MYO5B: variants seen among roughly 807,000 people sequenced by gnomAD.
The protein encoded by MYO5B is unconventional myosin-Vb.
MYO5B carries 143 observed loss-of-function variants against 229.3 expected under a neutral mutation model. That is an observed-to-expected ratio of 0.62 (90% CI 0.54 to 0.72). MYO5B has a LOEUF of 0.72. Ranked by LOEUF, MYO5B falls within the 30% of genes least tolerant of loss-of-function variation. The pLI, the probability that MYO5B is intolerant of heterozygous loss-of-function variation, is 0.00. For synonymous variants in MYO5B, 918 were observed against 885.2 expected (o/e 1.04, Z -0.66); for missense variants, 2,321 against 2,331.0 (o/e 1.00, Z 0.09).
intron 26 of MYO5B, among the ~76,000 whole-genome samples, 160 bp downstream of exon 26, chr18:49,875,527 A>G (rs2024509248): frequency 6.6e-6 from 1 of 152,122 alleles, no homozygotes; most frequent in South Asian, 2.1e-4. Flanking sequence ...GGGCACTCAG[A>G]GAAGACTCAG....
chr18:50,034,147 G>C (rs188080873), intron 4 of MYO5B, among the ~76,000 whole-genome samples: 163 of 152,306 alleles, frequency 1.1e-3, no homozygotes, highest in African/African-American at 3.9e-3. Context: ...CCAGCTGTTA[G>C]GCAGGTTCAA....
intron 39 of MYO5B, among the ~76,000 whole-genome samples, chr18:49,834,649 T>C (rs1285478496): frequency 6.6e-6 from 1 of 152,220 alleles, no homozygotes; most frequent in Non-Finnish European, 1.5e-5. Flanking sequence ...TATTGTCTTT[T>C]TTTTTTGAGA....
Position 49,863,446 on chromosome 18 carries a change from G to A in MYO5B, c.3844-119C>T, listed in dbSNP as rs984042364. The A allele has an allele frequency of 4.7e-6, 4 of 849,050 alleles. No individual in the cohort carries two copies. In the East Asian group the frequency reaches 7.8e-5, roughly 17 times the overall value. 52.6% of individuals were successfully genotyped at this position (849,050 alleles called of 1,614,324 possible). ...AAGACAAAGGCCTGGAAAGAACAGAGATAACCACAATCAAACCCACGCCAG... is the reference window on the plus strand; with the variant it reads ...AAGACAAAGGCCTGGAAAGAACAGAAATAACCACAATCAAACCCACGCCAG... On this transcript the variant is annotated intron_variant, in intron 28 of 39. Transcript: ENST00000285039.
rs368551364 is a variant in MYO5B at position 49,836,694 on chromosome 18, G to A, written c.5313+17C>T. 2.5e-6 allele frequency: 4 copies of A among 1,613,760 alleles called. No homozygotes were observed. The African/African-American group carries it at 4.0e-5, about 16-fold the overall frequency. On this transcript the variant is annotated intron_variant, in intron 38 of 39. Coordinates refer to ENST00000285039, the MANE Select transcript of MYO5B (RefSeq NM_001080467.3). ...TCCTTGGAATACCATGTTGACAGAG[G>A]TGCAAAGTGACTGTACCTGCTGGGT... is the stretch of plus-strand genomic sequence containing the variant.
intron 14 of MYO5B, among the ~76,000 whole-genome samples, chr18:49,950,670 T>C (rs189178416): frequency 2.1e-4 from 32 of 152,178 alleles, no homozygotes; most frequent in Non-Finnish European, 1.5e-5. Flanking sequence ...ACATGCAGAA[T>C]AGGGTATATT....
chr18:49,984,348 C>T (rs117688176), intron 8 of MYO5B, among the ~76,000 whole-genome samples: 2,147 of 152,286 alleles, frequency 0.014, 16 homozygotes, highest in Non-Finnish European at 0.021. Flanking sequence ...ACTGGGTGTG[C>T]GCAACATTGT....
At chr18:49,827,949 C>T (rs2023866354) in intron 39 of MYO5B, among the ~76,000 whole-genome samples, 3 of 152,098 alleles carry the variant, frequency 2.0e-5, no homozygotes, top group Admixed American at 2.0e-4. Flanking sequence ...TTGTCACATA[C>T]AGTCATCCCT....
chr18:50,034,915 A>G (rs937780863), intron 4 of MYO5B, among the ~76,000 whole-genome samples: 1 of 152,162 alleles, frequency 6.6e-6, no homozygotes, highest in African/African-American at 2.4e-5. Context: ...TAAAACCTTA[A>G]AGAAAATCCT....
At chr18:50,136,377 T>TG (rs1186661174) in intron 1 of MYO5B, among the ~76,000 whole-genome samples, 2 of 151,284 alleles carry the variant, frequency 1.3e-5, no homozygotes, top group Non-Finnish European at 1.5e-5. Context: ...TTTTTTTTTT[T>TG]TTTGCATCCA....
chr18:50,188,868 T>A (rs538646718), intron 1 of MYO5B, among the ~76,000 whole-genome samples: 1 of 147,908 alleles, frequency 6.8e-6, no homozygotes, highest in South Asian at 2.1e-4. Context: ...GCTCAATGAT[T>A]ACAGGTTACA....
intron 4 of MYO5B, among the ~76,000 whole-genome samples, chr18:50,009,152 T>C (rs4939611): frequency 0.97 from 148,298 of 152,106 alleles, 72,416 homozygotes; most frequent in East Asian, 1. Context: ...CTGAGGCAGG[T>C]GGATCACTTG....
chr18:49,849,506 C>T (rs986588821), intron 32 of MYO5B, 61 bp downstream of exon 32: 2 of 1,203,650 alleles, frequency 1.7e-6, no homozygotes, highest in African/African-American at 1.5e-5. Context: ...ACAGCTCACA[C>T]CCACAGGCGT....
Position 49,904,799 on chromosome 18 carries a change from G to A in MYO5B, c.2444C>T (p.Ala815Val), listed in dbSNP as rs748227747. 1.1e-5 allele frequency: 17 copies of A among 1,613,832 alleles called. No homozygotes were observed. Among genetic ancestry groups the A allele is most frequent in the Non-Finnish European group, 1.3e-5 (15 of 1,180,034 alleles). The part of the protein sequence containing the change: ...RLAEHLRRIR[A>V]AVVLQKHYRM... ...GTAATGTTTCTGGAGCACCACAGCC[G>A]CTCTGATCCTCCGCAGGTGCTCAGC... is the stretch of plus-strand genomic sequence containing the variant. The change falls in exon 20 of 40, where the codon GCG (alanine) becomes GTG (valine). Residue 815 changes from alanine (A) to valine (V), a missense_variant. Physicochemically the swap from Ala to Val is moderately conservative, Grantham distance 64. This residue lies in a region of MYO5B where 2,113 missense variants were observed against 2,044.7 expected (regional missense o/e 1.03). Transcript: ENST00000285039.
intron 39 of MYO5B, among the ~76,000 whole-genome samples, chr18:49,828,871 A>G (rs1022941214): frequency 1.3e-5 from 2 of 152,064 alleles, no homozygotes; most frequent in African/African-American, 2.4e-5. Context: ...GGATGGGATA[A>G]ACATAGTGCT....
intron 10 of MYO5B, among the ~76,000 whole-genome samples, chr18:49,971,449 T>C (rs1393790181): frequency 6.6e-6 from 1 of 152,188 alleles, no homozygotes; most frequent in Non-Finnish European, 1.5e-5. Flanking sequence ...TATCCCAAGT[T>C]TCCACCCAGG....
intron 1 of MYO5B, among the ~76,000 whole-genome samples, chr18:50,105,058 GT>G (rs55797454): frequency 0.22 from 34,016 of 151,510 alleles, 4,853 homozygotes; most frequent in African/African-American, 0.41. Flanking sequence ...GGCTTCTGGA[GT>G]TTTAGGAGAA....
intron 21 of MYO5B, among the ~76,000 whole-genome samples, chr18:49,897,906 A>C (rs1011956474): frequency 3.3e-5 from 5 of 152,190 alleles, no homozygotes; most frequent in Admixed American, 1.3e-4. Context: ...CACATCTTCC[A>C]GGCCTGCAAG....
chr18:50,126,075 C>T (rs926376977), intron 1 of MYO5B, among the ~76,000 whole-genome samples: 1 of 152,152 alleles, frequency 6.6e-6, no homozygotes, highest in Non-Finnish European at 1.5e-5. Context: ...GTCGTGATTG[C>T]ACACAATGTG....
intron 22 of MYO5B, among the ~76,000 whole-genome samples, 193 bp from the exon 23 acceptor site, chr18:49,880,648 C>T (rs1190975043): frequency 6.6e-6 from 1 of 152,170 alleles, no homozygotes; most frequent in Non-Finnish European, 1.5e-5. Flanking sequence ...GACAGATGAG[C>T]TCAGCACTAT....
Sources: allele counts gnomAD v4.1 joint callset (sites outside exome capture counted in the v4.1 genomes callset), GRCh38; gene constraint gnomAD v4.1.1; regional missense constraint gnomAD v4.1.1; transcripts MANE v1.5; gene names NCBI Gene and HGNC (gene_info 2026-07-23, HGNC 2026-07-21).